LTBP1: variants seen among roughly 807,000 people sequenced by gnomAD.
LTBP1 encodes the protein latent-transforming growth factor beta-binding protein 1.
Under a neutral mutation model 207.6 loss-of-function variants are expected in LTBP1, and 129 were observed. The observed-to-expected ratio is 0.62, with a 90% confidence interval of 0.54 to 0.72. The LOEUF (loss-of-function observed/expected upper bound fraction) is 0.72. Ranked by LOEUF, LTBP1 falls within the 30% of genes least tolerant of loss-of-function variation. LTBP1 has a pLI of 0.00. For missense variants in LTBP1, 2,281 were observed against 2,217.2 expected (o/e 1.03, Z -0.58); for synonymous variants, 963 against 833.7 (o/e 1.16, Z -2.67).
At chr2:33,246,644 A>G (rs1426338546) in intron 10 of LTBP1, among the ~76,000 whole-genome samples, 2 of 152,222 alleles carry the variant, frequency 1.3e-5, no homozygotes, top group East Asian at 3.8e-4. Flanking sequence ...TCCAGAGCAT[A>G]CAAGGTGTGG....
chr2:33,246,227 C>A (rs2092504102), intron 10 of LTBP1, among the ~76,000 whole-genome samples: 1 of 152,152 alleles, frequency 6.6e-6, no homozygotes, highest in African/African-American at 2.4e-5. Context: ...ATTTATTTCT[C>A]TTTCCTCTGA....
At chr2:33,024,602 T>G (rs1268582129) in intron 3 of LTBP1, among the ~76,000 whole-genome samples, 1 of 152,192 alleles carries the variant, frequency 6.6e-6, no homozygotes, top group Admixed American at 6.5e-5. Flanking sequence ...ATAAAGTTCC[T>G]TAGGAAATCA....
At chr2:33,266,235 C>A (rs1477046997) in intron 15 of LTBP1, among the ~76,000 whole-genome samples, 2 of 152,222 alleles carry the variant, frequency 1.3e-5, no homozygotes. Flanking sequence ...TGAGTGTTGA[C>A]ATGCCAGTCC....
chr2:33,355,714 A>G (rs1359122316), intron 26 of LTBP1, among the ~76,000 whole-genome samples: 1 of 151,012 alleles, frequency 6.6e-6, no homozygotes, highest in Non-Finnish European at 1.5e-5. Flanking sequence ...TCACCCTCTC[A>G]CTGTCCCAGG....
chr2:33,375,296 G>A (rs979295318), intron 31 of LTBP1, among the ~76,000 whole-genome samples: 1 of 152,168 alleles, frequency 6.6e-6, no homozygotes, highest in Non-Finnish European at 1.5e-5. Context: ...ATGAGTCAAC[G>A]TTCATCATGC....
At chr2:33,328,048 T>C (rs577612967) in intron 24 of LTBP1, among the ~76,000 whole-genome samples, 3 of 151,764 alleles carry the variant, frequency 2.0e-5, no homozygotes, top group Admixed American at 2.0e-4. Flanking sequence ...GGCAGGAGAA[T>C]TGCTTGAAAC....
intron 9 of LTBP1, among the ~76,000 whole-genome samples, chr2:33,236,433 A>T (rs1472717639): frequency 6.6e-6 from 1 of 152,190 alleles, no homozygotes; most frequent in Non-Finnish European, 1.5e-5. Flanking sequence ...AAGAATTTAA[A>T]CAGTTTTTGA....
chr2:33,302,647 A>G (rs968727548), intron 22 of LTBP1, among the ~76,000 whole-genome samples: 1 of 152,182 alleles, frequency 6.6e-6, no homozygotes, highest in Non-Finnish European at 1.5e-5. Flanking sequence ...CAATTTTGGC[A>G]GCGTTTTAAA....
chr2:33,205,476 G>A (rs10202001), intron 7 of LTBP1, among the ~76,000 whole-genome samples: 4,410 of 152,274 alleles, frequency 0.029, 215 homozygotes, highest in African/African-American at 0.1. Context: ...TTTACGTTTT[G>A]TGTGCATTAG....
chr2:33,277,372 C>T (rs2093447687), intron 18 of LTBP1, among the ~76,000 whole-genome samples: 2 of 152,170 alleles, frequency 1.3e-5, no homozygotes, highest in Non-Finnish European at 2.9e-5. Flanking sequence ...TTCCAGGGAA[C>T]TCTCCTCTGC....
rs1286392675 is a variant in LTBP1 at position 33,083,827 on chromosome 2, A to C, written c.864-26755A>C. ...AGTGACTGAAAAAGGAAGTTACAGA[A>C]GGTTATTCACGAAGGGAACATTCTT... On this transcript the variant is annotated intron_variant, in intron 3 of 33. Coordinates refer to ENST00000404816, the MANE Select transcript of LTBP1 (RefSeq NM_206943.4). Among the ~76,000 whole-genome samples, 6 of 152,210 alleles carry C rather than the reference A, an allele frequency of 3.9e-5. No individual in the cohort carries two copies. The East Asian group carries it at 1.2e-3, about 29-fold the overall frequency.
At chr2:33,008,163 C>T (rs933401136) in intron 2 of LTBP1, among the ~76,000 whole-genome samples, 2 of 151,946 alleles carry the variant, frequency 1.3e-5, no homozygotes, top group Non-Finnish European at 2.9e-5. Context: ...ACATTTTTGC[C>T]TGATGAAAAT....
chr2:33,152,704 G>A (rs2083638733), intron 5 of LTBP1, among the ~76,000 whole-genome samples: 1 of 152,140 alleles, frequency 6.6e-6, no homozygotes, highest in South Asian at 2.1e-4. Flanking sequence ...TGATGATGCT[G>A]GCCTCTTCGT....
intron 19 of LTBP1, among the ~76,000 whole-genome samples, chr2:33,286,662 G>A (rs2093669841): frequency 6.6e-6 from 1 of 152,150 alleles, no homozygotes; most frequent in Non-Finnish European, 1.5e-5. Context: ...AAGATTGGCA[G>A]TTATAAAAAC....
chr2:33,119,619 C>T (rs1019970288), intron 4 of LTBP1, among the ~76,000 whole-genome samples: 2 of 152,156 alleles, frequency 1.3e-5, no homozygotes, highest in East Asian at 1.9e-4. Flanking sequence ...TGGAGTGGTG[C>T]GATCTTGGCT....
chr2:33,228,559 A>G (rs987523598), intron 9 of LTBP1, among the ~76,000 whole-genome samples: 11 of 152,256 alleles, frequency 7.2e-5, no homozygotes, highest in African/African-American at 2.6e-4. Context: ...TCCATATGCT[A>G]TGTACTTGGT....
At chr2:33,188,406 G>A (rs1193850986) in intron 6 of LTBP1, among the ~76,000 whole-genome samples, 171 bp from the exon 7 acceptor site, 1 of 120,154 alleles carries the variant, frequency 8.3e-6, no homozygotes, top group African/African-American at 3.2e-5. Flanking sequence ...CAGCCTGGGT[G>A]ACCAGAGCGA....
intron 3 of LTBP1, among the ~76,000 whole-genome samples, chr2:33,091,752 C>A (rs1219742457): frequency 2.0e-5 from 3 of 152,184 alleles, no homozygotes; most frequent in African/African-American, 7.2e-5. Flanking sequence ...GAGCATCTGT[C>A]CTATTTGTGT....
chr2:33,259,793 C>G (rs1227831648), intron 13 of LTBP1, among the ~76,000 whole-genome samples, 183 bp downstream of exon 13: 1 of 152,036 alleles, frequency 6.6e-6, no homozygotes, highest in Non-Finnish European at 1.5e-5. Flanking sequence ...TAGATTGGGA[C>G]TCTTCTCAGT....
Sources: gnomAD v4.1 joint callset for allele counts (sites outside exome capture counted in the v4.1 genomes callset) on GRCh38, gnomAD v4.1.1 for gene constraint, MANE v1.5 for transcripts, NCBI Gene and HGNC (gene_info 2026-07-23, HGNC 2026-07-21) for gene names.